Variants in DLGAP1 observed in about 807,000 individuals in gnomAD.
The protein encoded by DLGAP1 is disks large-associated protein 1.
Under a neutral mutation model 90.8 loss-of-function variants are expected in DLGAP1, and 11 were observed. That is an observed-to-expected ratio of 0.12 (90% CI 0.08 to 0.20). The LOEUF is 0.20. DLGAP1 is among the 10% of genes least tolerant of loss of function. DLGAP1 has a pLI of 1.00. For synonymous variants in DLGAP1, 558 were observed against 540.7 expected (o/e 1.03, Z -0.44); for missense variants, 1,050 against 1,333.8 (o/e 0.79, Z 3.31).
intron 4 of DLGAP1, among the ~76,000 whole-genome samples, chr18:3,816,944 G>A (rs572875016): frequency 6.6e-6 from 1 of 152,266 alleles, no homozygotes; most frequent in Non-Finnish European, 1.5e-5. Flanking sequence ...TTTTACTTTT[G>A]TAGGTAAAAG....
intron 1 of DLGAP1, among the ~76,000 whole-genome samples, chr18:4,173,007 T>C (rs2144599375): frequency 6.6e-6 from 1 of 152,356 alleles, no homozygotes; most frequent in Middle Eastern, 3.4e-3. Context: ...CAACCATTTA[T>C]TTTGCTATGA....
intron 2 of DLGAP1, among the ~76,000 whole-genome samples, chr18:4,125,501 C>G (rs111275820): frequency 3.3e-5 from 5 of 152,200 alleles, no homozygotes; most frequent in African/African-American, 1.2e-4. Flanking sequence ...GGCAAAAAGC[C>G]CCAGACTCAG....
At chr18:3,702,884 A>T (rs534299056) in intron 7 of DLGAP1, among the ~76,000 whole-genome samples, 2 of 152,294 alleles carry the variant, frequency 1.3e-5, no homozygotes, top group South Asian at 4.1e-4. Context: ...TAAGGGACAG[A>T]GGGAGAAGAG....
intron 7 of DLGAP1, among the ~76,000 whole-genome samples, chr18:3,602,355 G>A (rs1318419809): frequency 1.3e-5 from 2 of 152,148 alleles, no homozygotes; most frequent in Admixed American, 1.3e-4. Flanking sequence ...CAGCAATTTG[G>A]GAGGCCGAGG....
At chr18:4,299,631 G>GA (rs1188362227) in intron 1 of DLGAP1, among the ~76,000 whole-genome samples, 1 of 151,928 alleles carries the variant, frequency 6.6e-6, no homozygotes. Flanking sequence ...AAAAGAGAGT[G>GA]AAAAAATTAA....
chr18:3,662,911 A>C (rs1172087592), intron 7 of DLGAP1, among the ~76,000 whole-genome samples: 1 of 152,234 alleles, frequency 6.6e-6, no homozygotes, highest in Non-Finnish European at 1.5e-5. Context: ...TCATATTGAG[A>C]GAAATTGTAT....
At chr18:3,919,304 A>G (rs1053323760) in intron 3 of DLGAP1, among the ~76,000 whole-genome samples, 1 of 152,214 alleles carries the variant, frequency 6.6e-6, no homozygotes, top group Non-Finnish European at 1.5e-5. Flanking sequence ...ATCTACTGAC[A>G]TTTCAAAATT....
intron 1 of DLGAP1, among the ~76,000 whole-genome samples, chr18:4,265,797 C>T (rs116799034): frequency 0.017 from 2,574 of 151,516 alleles, 72 homozygotes; most frequent in African/African-American, 0.059. Context: ...AACTGATCTT[C>T]CTGCCTCCGC....
At chr18:4,426,130 C>T (rs1020828444) in intron 1 of DLGAP1, among the ~76,000 whole-genome samples, 1 of 152,168 alleles carries the variant, frequency 6.6e-6, no homozygotes, top group Non-Finnish European at 1.5e-5. Flanking sequence ...AGCAGCATGG[C>T]TGTGTGGTAG....
chr18:4,192,824 C>CG (rs1207023233), intron 1 of DLGAP1, among the ~76,000 whole-genome samples: 2 of 151,930 alleles, frequency 1.3e-5, no homozygotes, highest in African/African-American at 4.8e-5. Flanking sequence ...TTTGTAGGCT[C>CG]GGGGGGAATT....
chr18:3,752,169 C>T (rs1024715942), intron 5 of DLGAP1, among the ~76,000 whole-genome samples: 9 of 152,120 alleles, frequency 5.9e-5, no homozygotes, highest in Non-Finnish European at 1.0e-4. Flanking sequence ...CAGGTGTGAG[C>T]CACCACGGCC....
chr18:3,857,100 T>C (rs1363340430), intron 4 of DLGAP1, among the ~76,000 whole-genome samples: 2 of 152,156 alleles, frequency 1.3e-5, no homozygotes, highest in Non-Finnish European at 2.9e-5. Context: ...CAGACATTTG[T>C]GATGTCTCCA....
intron 2 of DLGAP1, among the ~76,000 whole-genome samples, chr18:4,129,910 A>G (rs2076288361): frequency 6.6e-6 from 1 of 152,230 alleles, no homozygotes; most frequent in African/African-American, 2.4e-5. Flanking sequence ...CATAATCAGT[A>G]CTATCCTTAG....
intron 2 of DLGAP1, among the ~76,000 whole-genome samples, chr18:4,148,689 C>A (rs558836094): frequency 3.8e-4 from 58 of 152,296 alleles, no homozygotes; most frequent in African/African-American, 1.3e-3. Flanking sequence ...CCTGCACTAC[C>A]ATTCTCTGCT....
At chr18:4,113,824 C>T (rs373103183) in intron 2 of DLGAP1, among the ~76,000 whole-genome samples, 1 of 152,102 alleles carries the variant, frequency 6.6e-6, no homozygotes, top group South Asian at 2.1e-4. Context: ...CATCCTTTTG[C>T]AAATGGCTAG....
intron 1 of DLGAP1, among the ~76,000 whole-genome samples, chr18:4,393,582 G>T (rs1361495009): frequency 6.6e-6 from 1 of 152,156 alleles, no homozygotes; most frequent in Non-Finnish European, 1.5e-5. Flanking sequence ...TGTTGATGTA[G>T]CTACACCATA....
chr18:4,025,549 G>A (rs140035407), intron 2 of DLGAP1, among the ~76,000 whole-genome samples: 51 of 152,118 alleles, frequency 3.4e-4, no homozygotes, highest in African/African-American at 1.2e-3. Flanking sequence ...ATTGGCCCAC[G>A]GTCATGCAAT....
chr18:3,812,824 T>C (rs1000312860), intron 5 of DLGAP1, among the ~76,000 whole-genome samples: 4 of 152,250 alleles, frequency 2.6e-5, no homozygotes, highest in Admixed American at 2.6e-4. Context: ...CAATTGGGTT[T>C]GTTTTCCTTA....
chr18:4,278,522 G>A (rs893331497), intron 1 of DLGAP1, among the ~76,000 whole-genome samples: 9 of 152,094 alleles, frequency 5.9e-5, no homozygotes, highest in African/African-American at 2.2e-4. Context: ...ACTTTTAAGT[G>A]AGATCAGGCA....
Sources: allele counts gnomAD v4.1 joint callset (sites outside exome capture counted in the v4.1 genomes callset), GRCh38; gene constraint gnomAD v4.1.1; transcripts MANE v1.5; gene names NCBI Gene and HGNC (gene_info 2026-07-23, HGNC 2026-07-21).